The following DENND1A variants were observed in gnomAD, a reference collection of about 807,000 sequenced individuals.
DENND1A encodes the protein DENN domain-containing protein 1A.
In DENND1A, 51 loss-of-function variants were observed where a neutral mutation model predicts 113.7. The ratio of observed to expected loss-of-function variants is 0.45; its 90% CI spans 0.36 to 0.57. DENND1A has a LOEUF of 0.57. DENND1A is among the 20% of genes least tolerant of loss of function. The pLI is 0.00. For missense variants in DENND1A, 1,258 were observed against 1,395.9 expected, an observed-to-expected ratio of 0.90 and a Z score of 1.57; for synonymous variants, 565 against 570.8, an observed-to-expected ratio of 0.99 and a Z score of 0.14.
chr9:123,658,630 G>C (rs1276841896), intron 8 of DENND1A, among the ~76,000 whole-genome samples: 1 of 152,178 alleles, frequency 6.6e-6, no homozygotes, highest in Admixed American at 6.5e-5. Flanking sequence ...TTAATGTCTT[G>C]CAGACAAATT....
At chr9:123,407,313 C>A (rs1324239648) in intron 20 of DENND1A, among the ~76,000 whole-genome samples, 1 of 152,070 alleles carries the variant, frequency 6.6e-6, no homozygotes, top group African/African-American at 2.4e-5. Context: ...AAGCCAGACA[C>A]AAAATTACAC....
At chr9:123,885,017 ACACACACACACACTCACTCTCTCTCT>A (rs1848838369) in intron 1 of DENND1A, among the ~76,000 whole-genome samples, 1 of 149,376 alleles carries the variant, frequency 6.7e-6, no homozygotes, top group East Asian at 1.9e-4. Context: ...ACACACACAC[ACACACACACACACTCACTCTCTCTCT>A]CACACACACA....
chr9:123,409,564 G>T (rs140651311), intron 20 of DENND1A, among the ~76,000 whole-genome samples: 3 of 151,730 alleles, frequency 2.0e-5, no homozygotes, highest in Middle Eastern at 3.4e-3. Context: ...AAGACCACAG[G>T]TTCTAGAGTC....
intron 2 of DENND1A, among the ~76,000 whole-genome samples, chr9:123,834,385 T>C (rs1196737381): frequency 6.6e-6 from 1 of 152,174 alleles, no homozygotes; most frequent in Non-Finnish European, 1.5e-5. Context: ...TCTTCCCCCA[T>C]TTTACAGATA....
At chr9:123,621,524 A>G (rs1160232123) in intron 10 of DENND1A, among the ~76,000 whole-genome samples, 2 of 152,160 alleles carry the variant, frequency 1.3e-5, no homozygotes, top group Admixed American at 6.5e-5. Context: ...ATTAATATAT[A>G]TTGACTATAT....
intron 1 of DENND1A, 25 bp from the exon 2 acceptor site, chr9:123,879,046 A>G: frequency 1.2e-6 from 2 of 1,611,892 alleles, no homozygotes; most frequent in Non-Finnish European, 1.7e-6. Flanking sequence ...GATCATGATT[A>G]CTGACAAAGA....
chr9:123,875,570 T>C (rs1227547515), intron 2 of DENND1A, among the ~76,000 whole-genome samples: 1 of 152,170 alleles, frequency 6.6e-6, no homozygotes, highest in Non-Finnish European at 1.5e-5. Context: ...CAGCCCCCTC[T>C]CCATCCTGTA....
intron 22 of DENND1A, among the ~76,000 whole-genome samples, chr9:123,386,475 G>A (rs200949357): frequency 5.3e-5 from 8 of 149,956 alleles, no homozygotes; most frequent in African/African-American, 1.5e-4. Context: ...TCCGCCTCCC[G>A]GGTTCAAGTG....
chr9:123,549,343 C>G (rs1260173912), intron 13 of DENND1A, among the ~76,000 whole-genome samples: 1 of 152,132 alleles, frequency 6.6e-6, no homozygotes, highest in Non-Finnish European at 1.5e-5. Context: ...GATGGGGGCA[C>G]AGACAAATTA....
chr9:123,817,019 C>T (rs1279366859), intron 2 of DENND1A, among the ~76,000 whole-genome samples: 1 of 152,124 alleles, frequency 6.6e-6, no homozygotes, highest in African/African-American at 2.4e-5. Flanking sequence ...CAGGTTACTT[C>T]CTGGCAGAAT....
At chr9:123,924,123 T>C (rs2134196241) in intron 1 of DENND1A, among the ~76,000 whole-genome samples, 1 of 152,308 alleles carries the variant, frequency 6.6e-6, no homozygotes, top group East Asian at 1.9e-4. Context: ...TGCTCCAACA[T>C]GGATAAATCT....
intron 5 of DENND1A, among the ~76,000 whole-genome samples, chr9:123,711,508 T>C (rs1273769456): frequency 1.3e-5 from 1 of 79,050 alleles, no homozygotes; most frequent in African/African-American, 8.3e-5. Flanking sequence ...TATATATGTA[T>C]ATATGTATAT....
chr9:123,544,234 C>G (rs1289123108), intron 13 of DENND1A, among the ~76,000 whole-genome samples: 1 of 152,082 alleles, frequency 6.6e-6, no homozygotes, highest in Non-Finnish European at 1.5e-5. Context: ...CACTTCCCAG[C>G]GTTTTAAGTT....
At chr9:123,485,636 G>GCGCGCGCGCACA (rs2050749964) in intron 13 of DENND1A, 1 of 93,996 alleles carries the variant, frequency 1.1e-5, no homozygotes, top group African/African-American at 3.4e-5. Context: ...GTGTGTGCGC[G>GCGCGCGCGCACA]TACACACACG....
chr9:123,792,565 AAATT>A lies in DENND1A; in HGVS notation c.132+18_132+21del. ...TCTGAAATAAATTTTGTCATGTAAAAAATTAATTACGCATTCCGAACCTGGTCAC... is the reference window on the plus strand; with the variant it reads ...TCTGAAATAAATTTTGTCATGTAAAAAATTACGCATTCCGAACCTGGTCAC... On this transcript the variant is annotated intron_variant, in intron 3 of 23. Transcript: ENST00000394215. 6.2e-7 allele frequency: 1 copy of A among 1,610,642 alleles called. No individual in the cohort carries two copies. The highest frequency in any genetic ancestry group is 8.5e-7 in the Non-Finnish European group (1 of 1,178,170).
chr9:123,501,164 C>T (rs910884873), intron 13 of DENND1A, among the ~76,000 whole-genome samples: 13 of 152,200 alleles, frequency 8.5e-5, no homozygotes, highest in Admixed American at 6.5e-4. Flanking sequence ...ATTTTGACTA[C>T]GTTCCTCGTA....
At chr9:123,425,422 CA>C (rs1464367035) in intron 19 of DENND1A, among the ~76,000 whole-genome samples, 1 of 152,282 alleles carries the variant, frequency 6.6e-6, no homozygotes, top group Non-Finnish European at 1.5e-5. Context: ...TCCTGTCTCT[CA>C]CAACCTGGCG....
chr9:123,719,255 A>T (rs1217637287), intron 5 of DENND1A, among the ~76,000 whole-genome samples: 1 of 151,812 alleles, frequency 6.6e-6, no homozygotes, highest in Non-Finnish European at 1.5e-5. Flanking sequence ...AGGAATTACG[A>T]CTCCCATTTG....
chr9:123,872,672 T>C (rs1846830487), intron 2 of DENND1A, among the ~76,000 whole-genome samples: 1 of 152,112 alleles, frequency 6.6e-6, no homozygotes, highest in Non-Finnish European at 1.5e-5. Flanking sequence ...CTATTAAAAA[T>C]TTAAAGACAA....
Sources: allele counts gnomAD v4.1 joint callset (sites outside exome capture counted in the v4.1 genomes callset), GRCh38; gene constraint gnomAD v4.1.1; transcripts MANE v1.5; gene names NCBI Gene and HGNC (gene_info 2026-07-23, HGNC 2026-07-21).